Variants in CDH18 observed in about 807,000 individuals in gnomAD.
CDH18 encodes the protein cadherin-18.
Under a neutral mutation model 67.9 loss-of-function variants are expected in CDH18, and 31 were observed. The ratio of observed to expected loss-of-function variants is 0.46; its 90% CI spans 0.34 to 0.62. CDH18 has a LOEUF of 0.62. CDH18 is among the 20% of genes least tolerant of loss of function. The probability of loss-of-function intolerance (pLI) is 0.01; values close to 1 mark genes in which losing one functional copy is unlikely to be tolerated. For missense variants in CDH18, 890 were observed against 975.5 expected (o/e 0.91, Z 1.17); for synonymous variants, 362 against 347.2 (o/e 1.04, Z -0.48).
intron 1 of CDH18, among the ~76,000 whole-genome samples, chr5:20,489,582 TAA>T (rs1045707138): frequency 4.6e-5 from 7 of 152,202 alleles, no homozygotes; most frequent in Admixed American, 4.6e-4. Flanking sequence ...TAATTCACAG[TAA>T]GTTTGTAATA....
intron 1 of CDH18, among the ~76,000 whole-genome samples, chr5:20,378,462 G>A (rs1743646377): frequency 6.6e-6 from 1 of 152,124 alleles, no homozygotes; most frequent in Non-Finnish European, 1.5e-5. Flanking sequence ...TCCAGCACTG[G>A]TCTAGGTGGA....
intron 5 of CDH18, among the ~76,000 whole-genome samples, chr5:19,703,579 G>A (rs1021896704): frequency 2.0e-5 from 3 of 152,000 alleles, no homozygotes; most frequent in African/African-American, 7.3e-5. Context: ...AGGACACAGG[G>A]CAAAAAGTAG....
intron 2 of CDH18, among the ~76,000 whole-genome samples, chr5:20,007,756 G>T (rs553987198): frequency 1.3e-5 from 2 of 151,056 alleles, no homozygotes; most frequent in South Asian, 4.2e-4. Context: ...TGTATGGTAT[G>T]TGAACTAAGA....
intron 6 of CDH18, among the ~76,000 whole-genome samples, chr5:19,608,093 G>A (rs934195783): frequency 2.0e-5 from 3 of 151,186 alleles, no homozygotes; most frequent in South Asian, 2.1e-4. Flanking sequence ...AATAACAGAC[G>A]AGCAAAAATT....
intron 5 of CDH18, among the ~76,000 whole-genome samples, chr5:19,672,835 G>C (rs114228680): frequency 0.02 from 2,985 of 152,026 alleles, 97 homozygotes; most frequent in African/African-American, 0.067. Context: ...AATAATATTT[G>C]ATGATAGTGT....
At chr5:19,551,466 T>C (rs1737433066) in intron 8 of CDH18, among the ~76,000 whole-genome samples, 1 of 152,130 alleles carries the variant, frequency 6.6e-6, no homozygotes, top group Non-Finnish European at 1.5e-5. Flanking sequence ...TCACTTAGCA[T>C]TGTGACCTTA....
chr5:19,771,329 A>G (rs573128092), intron 3 of CDH18, among the ~76,000 whole-genome samples: 7 of 152,202 alleles, frequency 4.6e-5, no homozygotes, highest in Non-Finnish European at 7.3e-5. Context: ...CCCTCTTATC[A>G]TCTATCACTC....
intron 1 of CDH18, among the ~76,000 whole-genome samples, chr5:20,526,529 C>T (rs187987089): frequency 2.6e-5 from 4 of 152,022 alleles, no homozygotes. Context: ...TAGGTCAGTG[C>T]CCCTCTGGGA....
intron 3 of CDH18, among the ~76,000 whole-genome samples, chr5:19,808,756 G>A (rs1162200823): frequency 1.6e-4 from 24 of 150,448 alleles, no homozygotes; most frequent in East Asian, 1.2e-3. Flanking sequence ...GCTTGAACCC[G>A]GGAGGTGGAG....
chr5:19,746,740 T>C (rs1346967790), intron 4 of CDH18, among the ~76,000 whole-genome samples: 1 of 152,192 alleles, frequency 6.6e-6, no homozygotes, highest in African/African-American at 2.4e-5. Flanking sequence ...CTTACATGAT[T>C]AGAAATCAAT....
At chr5:19,946,177 T>C (rs1033344316) in intron 2 of CDH18, among the ~76,000 whole-genome samples, 4 of 152,082 alleles carry the variant, frequency 2.6e-5, no homozygotes, top group Non-Finnish European at 5.9e-5. Flanking sequence ...TCTAAAGCCA[T>C]CGAGGCCTGA....
intron 2 of CDH18, among the ~76,000 whole-genome samples, chr5:20,046,629 T>A (rs1740914899): frequency 6.7e-6 from 1 of 148,342 alleles, no homozygotes; most frequent in East Asian, 2.0e-4. Context: ...ATATATAAAA[T>A]ATATAAAATA....
chr5:19,880,007 A>G (rs1483940746), intron 2 of CDH18, among the ~76,000 whole-genome samples: 2 of 152,042 alleles, frequency 1.3e-5, no homozygotes, highest in Non-Finnish European at 2.9e-5. Context: ...ATGTATTTCT[A>G]TTTAGGGGCA....
chr5:20,277,695 G>C (rs1745912187), intron 1 of CDH18, among the ~76,000 whole-genome samples: 1 of 152,170 alleles, frequency 6.6e-6, no homozygotes, highest in Admixed American at 6.5e-5. Flanking sequence ...ATCCTGAAGA[G>C]AGAGAGTTAT....
chr5:19,488,982 A>G (rs1313292501), intron 11 of CDH18, among the ~76,000 whole-genome samples: 2 of 151,986 alleles, frequency 1.3e-5, no homozygotes, highest in African/African-American at 2.4e-5. Context: ...GCATGATCCA[A>G]TATGTCATTA....
At chr5:19,730,782 C>T (rs369730907) in intron 4 of CDH18, among the ~76,000 whole-genome samples, 2 of 119,560 alleles carry the variant, frequency 1.7e-5, no homozygotes, top group South Asian at 2.6e-4. Context: ...AAAAAAAAAG[C>T]ATGCAATTAA....
In CDH18 at chr5:19,945,816, C is replaced by T. The variant is rs576455208; in HGVS notation, c.-257+35244G>A. On this transcript the variant is annotated intron_variant, in intron 2 of 12. Transcript: ENST00000382275. Reference sequence around the variant, plus strand: ...GAACCAGTCAAAAAAATTTGGTCAACACAGAAAAATAAAAGACTAAAAAAC... The same window carrying T: ...GAACCAGTCAAAAAAATTTGGTCAATACAGAAAAATAAAAGACTAAAAAAC... Among the ~76,000 whole-genome samples, 112 of 151,932 alleles carry T rather than the reference C, an allele frequency of 7.4e-4. 1 individual carries two copies. Among genetic ancestry groups the T allele is most frequent in the African/African-American group, 2.5e-3 (102 of 41,464 alleles).
chr5:19,803,147 TATAAATAC>T (rs1777646961), intron 3 of CDH18, among the ~76,000 whole-genome samples: 1 of 152,228 alleles, frequency 6.6e-6, no homozygotes, highest in Admixed American at 6.5e-5. Flanking sequence ...CTCGCACATT[TATAAATAC>T]AGTGAACAAT....
At chr5:19,488,575 G>A (rs536503277) in intron 11 of CDH18, among the ~76,000 whole-genome samples, 18 of 152,062 alleles carry the variant, frequency 1.2e-4, no homozygotes, top group South Asian at 2.1e-4. Flanking sequence ...TCAGTCTTGC[G>A]GCAGAAATAG....
Sources: allele counts gnomAD v4.1 joint callset (sites outside exome capture counted in the v4.1 genomes callset), GRCh38; gene constraint gnomAD v4.1.1; transcripts MANE v1.5; gene names NCBI Gene and HGNC (gene_info 2026-07-23, HGNC 2026-07-21).